The following DLGAP2 variants were observed in gnomAD, a reference collection of about 807,000 sequenced individuals.
DLGAP2 encodes the protein DLG associated protein 2.
Under a neutral mutation model 100.3 loss-of-function variants are expected in DLGAP2, and 26 were observed. The ratio of observed to expected loss-of-function variants is 0.26; its 90% confidence interval spans 0.19 to 0.36. The LOEUF is 0.36. Among genes scored for constraint, DLGAP2 ranks in the 10% least tolerant of loss-of-function variants. The pLI is 1.00. For missense variants in DLGAP2, 1,858 were observed against 1,453.2 expected, an observed-to-expected ratio of 1.28 and a Z score of -4.53; for synonymous variants, 886 against 630.1, an observed-to-expected ratio of 1.41 and a Z score of -6.08.
At chr8:1,449,348 T>G (rs1798073796) in intron 3 of DLGAP2, among the ~76,000 whole-genome samples, 1 of 152,188 alleles carries the variant, frequency 6.6e-6, no homozygotes, top group South Asian at 2.1e-4. Context: ...CAGGCATGCT[T>G]AGTCCAGCCC....
intron 2 of DLGAP2, among the ~76,000 whole-genome samples, chr8:1,159,709 CAGTT>C (rs1313598563): frequency 1.3e-5 from 2 of 152,116 alleles, no homozygotes; most frequent in African/African-American, 2.4e-5. Context: ...ATGGCTGGTG[CAGTT>C]AGTTATACGG....
At chr8:1,449,239 G>T (rs183680562) in intron 3 of DLGAP2, among the ~76,000 whole-genome samples, 1 of 152,196 alleles carries the variant, frequency 6.6e-6, no homozygotes, top group Admixed American at 6.5e-5. Context: ...GTTTTTACAC[G>T]TACCAATGAA....
At chr8:1,105,026 C>T (rs917783382) in intron 2 of DLGAP2, 1 of 152,196 alleles carries the variant, frequency 6.6e-6, no homozygotes, top group South Asian at 2.1e-4. Flanking sequence ...GGTGCCACAC[C>T]TGATGGTCCA....
intron 12 of DLGAP2, among the ~76,000 whole-genome samples, chr8:1,690,805 G>T (rs922758553): frequency 1.3e-5 from 2 of 151,692 alleles, no homozygotes; most frequent in African/African-American, 4.8e-5. Flanking sequence ...CTGAACTGTG[G>T]CCTGCTGACT....
At chr8:1,177,731 G>T (rs1398245277) in intron 2 of DLGAP2, among the ~76,000 whole-genome samples, 5 of 152,146 alleles carry the variant, frequency 3.3e-5, no homozygotes, top group African/African-American at 4.8e-5. Flanking sequence ...ATGCCAGCAG[G>T]TTCGATGTCT....
At chr8:795,740 A>G (rs1337950591) in intron 1 of DLGAP2, among the ~76,000 whole-genome samples, 1 of 145,504 alleles carries the variant, frequency 6.9e-6, no homozygotes, top group Non-Finnish European at 1.5e-5. Context: ...GCAGGCGTCC[A>G]GTGAGAACAG....
At chr8:1,060,595 C>T (rs1370678027) in intron 2 of DLGAP2, among the ~76,000 whole-genome samples, 1 of 152,186 alleles carries the variant, frequency 6.6e-6, no homozygotes, top group Non-Finnish European at 1.5e-5. Flanking sequence ...ACCTCAAGGT[C>T]CTTAATTAAT....
intron 1 of DLGAP2, among the ~76,000 whole-genome samples, chr8:871,510 G>A (rs566334856): frequency 3.9e-5 from 6 of 152,286 alleles, no homozygotes; most frequent in Admixed American, 3.9e-4. Context: ...AATTATGTGT[G>A]AAATTTTGAT....
chr8:1,450,397 G>A (rs1306832907), intron 3 of DLGAP2, among the ~76,000 whole-genome samples: 3 of 130,936 alleles, frequency 2.3e-5, no homozygotes, highest in African/African-American at 3.0e-5. Context: ...GAGGTGGGCG[G>A]CCTCGGTGGC....
intron 3 of DLGAP2, among the ~76,000 whole-genome samples, chr8:1,317,540 G>T: frequency 7.3e-6 from 1 of 137,780 alleles, no homozygotes; most frequent in Non-Finnish European, 1.5e-5. Context: ...TGCGAGTGCA[G>T]CGTGTCTCCA....
intron 2 of DLGAP2, among the ~76,000 whole-genome samples, chr8:1,068,687 G>T (rs545563962): frequency 6.6e-6 from 1 of 152,160 alleles, no homozygotes; most frequent in South Asian, 2.1e-4. Flanking sequence ...GGGGCTCAGC[G>T]CATGTGGGAC....
In DLGAP2 at chr8:1,621,907, C is replaced by T. The variant is rs539591557; in HGVS notation, c.1443-4833C>T. On this transcript the variant is annotated intron_variant, in intron 6 of 14. Transcript: ENST00000637795. ...ACAGTGAGATGCAAATGTGGATTTCCCTCAAAAATGTGCTGTTAGGGAACA... is the reference window on the plus strand; with the variant it reads ...ACAGTGAGATGCAAATGTGGATTTCTCTCAAAAATGTGCTGTTAGGGAACA... 80 of 152,240 alleles carry T rather than the reference C, an allele frequency of 5.3e-4. 1 individual carries two copies. The highest frequency in any genetic ancestry group is 1.8e-3 in the African/African-American group (74 of 41,544). The allele number at this position is 152,240 out of a possible 1,614,324, so 9.4% of individuals were successfully genotyped here.
intron 2 of DLGAP2, among the ~76,000 whole-genome samples, chr8:1,233,813 A>T (rs904829481): frequency 6.6e-6 from 1 of 152,246 alleles, no homozygotes; most frequent in Non-Finnish European, 1.5e-5. Flanking sequence ...GTACCTAAAT[A>T]TAGAAGTCTT....
chr8:972,550 C>T (rs2129012463), intron 2 of DLGAP2, among the ~76,000 whole-genome samples: 1 of 152,232 alleles, frequency 6.6e-6, no homozygotes, highest in African/African-American at 2.4e-5. Context: ...AGGTAAAAAT[C>T]AGTGAGCTTA....
intron 12 of DLGAP2, among the ~76,000 whole-genome samples, chr8:1,690,640 G>T (rs1799234315): frequency 7.0e-6 from 1 of 143,064 alleles, no homozygotes; most frequent in Non-Finnish European, 1.5e-5. Context: ...GGAGGTGGAG[G>T]TTGCAGTGAG....
intron 2 of DLGAP2, among the ~76,000 whole-genome samples, chr8:1,214,548 G>A (rs1798173379): frequency 6.6e-6 from 1 of 152,226 alleles, no homozygotes; most frequent in Non-Finnish European, 1.5e-5. Context: ...CAGATCCCAG[G>A]AGTGGAGTAA....
At chr8:1,633,476 C>T (rs1282155131) in intron 8 of DLGAP2, among the ~76,000 whole-genome samples, 1 of 152,158 alleles carries the variant, frequency 6.6e-6, no homozygotes, top group African/African-American at 2.4e-5. Flanking sequence ...GTAAACATGA[C>T]TCACCGCCGC....
At chr8:1,640,772 C>G (rs1209164979) in intron 8 of DLGAP2, among the ~76,000 whole-genome samples, 1 of 152,032 alleles carries the variant, frequency 6.6e-6, no homozygotes, top group African/African-American at 2.4e-5. Flanking sequence ...ACGTGGCCCG[C>G]CCCCCCGCAT....
intron 11 of DLGAP2, among the ~76,000 whole-genome samples, chr8:1,677,083 C>T (rs1268719825): frequency 6.6e-6 from 1 of 152,146 alleles, no homozygotes; most frequent in Non-Finnish European, 1.5e-5. Context: ...ATTTTTGTAA[C>T]AAGGCAGGAC....
Sources: gnomAD v4.1 joint callset for allele counts (sites outside exome capture counted in the v4.1 genomes callset) on GRCh38, gnomAD v4.1.1 for gene constraint, MANE v1.5 for transcripts, NCBI Gene and HGNC (gene_info 2026-07-23, HGNC 2026-07-21) for gene names.